CCR10: variants seen among roughly 807,000 people sequenced by gnomAD.
The protein encoded by CCR10 is C-C motif chemokine receptor 10, also known as C-C chemokine receptor type 10.
Under a neutral mutation model 11.9 loss-of-function variants are expected in CCR10, and 11 were observed. The ratio of observed to expected loss-of-function variants is 0.92; its 90% CI spans 0.58 to 1.53. The LOEUF (loss-of-function observed/expected upper bound fraction) is 1.53. Among genes scored for constraint, CCR10 ranks in the 40% most tolerant of loss-of-function variants. The pLI, the probability that CCR10 is intolerant of heterozygous loss-of-function variation, is 0.00. For synonymous variants in CCR10, 224 were observed against 245.4 expected, an observed-to-expected ratio of 0.91 and a Z score of 0.81; for missense variants, 428 against 496.6, an observed-to-expected ratio of 0.86 and a Z score of 1.31.
At position 42,679,259 on chromosome 17, in the gene CCR10, C is replaced by A; in HGVS notation, c.*294G>T. 1 of 313,036 alleles carries A rather than the reference C, an allele frequency of 3.2e-6. No individual in the cohort carries two copies. Among genetic ancestry groups the A allele is most frequent in the Non-Finnish European group, 5.8e-6 (1 of 172,024 alleles). 19.4% of individuals were successfully genotyped at this position (313,036 alleles called of 1,614,324 possible). Reference sequence around the variant, plus strand: ...CTTTAGCAGACTCAGCAGCCCCCCACCCCCACCCAGGCCCTCAGCGTCTTC... The same window carrying A: ...CTTTAGCAGACTCAGCAGCCCCCCAACCCCACCCAGGCCCTCAGCGTCTTC... On this transcript the variant is annotated 3_prime_UTR_variant, in exon 2 of 2. Coordinates refer to ENST00000332438, the MANE Select transcript of CCR10 (RefSeq NM_016602.3).
chr17:42,681,760 T>G, intron 1 of CCR10, 40 bp downstream of exon 1: 2 of 1,428,560 alleles, frequency 1.4e-6, no homozygotes, highest in Non-Finnish European at 2.0e-6. Flanking sequence ...GTCTCCTCCC[T>G]CTCTGTAACC....
Position 42,679,669 on chromosome 17 carries a change from G to A in CCR10, c.973C>T (p.Leu325=). 2 of 1,512,870 alleles carry A rather than the reference G, an allele frequency of 1.3e-6. No individual in the cohort carries two copies. 93.7% of individuals were successfully genotyped at this position (1,512,870 alleles called of 1,614,324 possible). The change falls in exon 2 of 2, where the codon CTA becomes TTA. Residue 325 remains leucine, a synonymous_variant. Coordinates refer to ENST00000332438, the MANE Select transcript of CCR10 (RefSeq NM_016602.3). Reference sequence around the variant, plus strand: ...CCTGAGGGGCAGCTCCCACCCCGTAGCAGCCTCCGCAGGTCCTGGCGGAAG... The same window carrying A: ...CCTGAGGGGCAGCTCCCACCCCGTAACAGCCTCCGCAGGTCCTGGCGGAAG... The part of the protein sequence containing the change: ...LRFRQDLRRL[L]RGGSCPSGPQ...
chr17:42,680,344 C>T lies in CCR10; in HGVS notation c.298G>A (p.Ala100Thr). The T allele has an allele frequency of 1.9e-6, 3 of 1,552,882 alleles. No homozygotes were observed. The African/African-American group carries it at 4.1e-5, about 21-fold the overall frequency. ...LLALTLPFAA[A>T]GALQGWSLGS... ...AGACTCCAGCCCTGAAGAGCCCCTG[C>T]TGCCGCGAAGGGCAGAGTCAGGGCC... Residue 100 changes from alanine (A) to threonine (T), a missense_variant, in exon 2 of 2, where the codon GCA becomes ACA. By Grantham distance (58) the Ala-to-Thr change is moderately conservative (BLOSUM62 0). Coordinates refer to ENST00000332438, the MANE Select transcript of CCR10 (RefSeq NM_016602.3).
intron 1 of CCR10, chr17:42,681,435 T>C: frequency 5.9e-6 from 2 of 338,634 alleles, no homozygotes; most frequent in South Asian, 6.8e-5. Flanking sequence ...AACCTCCGTC[T>C]GGAGTGGGTT....
chr17:42,680,078 T>C lies in CCR10; in HGVS notation c.564A>G (p.Gln188=). 6.2e-7 allele frequency: 1 copy of C among 1,608,098 alleles called. No individual in the cohort carries two copies. The highest frequency in any genetic ancestry group is 8.5e-7 in the Non-Finnish European group (1 of 1,178,910). Residue 188 remains glutamine, a synonymous_variant, in exon 2 of 2, where the codon CAA becomes CAG. Transcript: ENST00000332438. ...CGGGGAAGATGAGGCGACAGCGTCGTTGGCCTTCCCGCTGCCCATCCTGGC... is the reference window on the plus strand; with the variant it reads ...CGGGGAAGATGAGGCGACAGCGTCGCTGGCCTTCCCGCTGCCCATCCTGGC... ...LFSQDGQREG[Q]RRCRLIFPEG...
At position 42,680,429 on chromosome 17, in the gene CCR10, G is replaced by A; in HGVS notation, c.213C>T (p.Arg71=). The part of the protein sequence containing the change: ...LVLATHLAAR[R]AARSPTSAHL... ...GGGCAGAGGTGGGCGAGCGCGCTGC[G>A]CGTCGGGCTGCCAGGTGGGTGGCCA... is the stretch of plus-strand genomic sequence containing the variant. The change falls in exon 2 of 2, where the codon CGC becomes CGT. Residue 71 remains arginine, a synonymous_variant. Transcript: ENST00000332438. The A allele has an allele frequency of 6.3e-7, 1 of 1,579,346 alleles. No homozygotes were observed. The highest frequency in any genetic ancestry group is 8.6e-7 in the Non-Finnish European group (1 of 1,162,790).
At position 42,680,618 on chromosome 17, in the gene CCR10, C is replaced by T; in HGVS notation, c.25-1G>A. On this transcript the variant is annotated splice_acceptor_variant, in intron 1 of 1. Coordinates refer to ENST00000332438, the MANE Select transcript of CCR10 (RefSeq NM_016602.3). LOFTEE classifies it high-confidence loss of function. Reference sequence around the variant, plus strand: ...CCCCAGAGTAATGGCCCCAGGAAACCTGGGAGGGTCAAATGAGAGGCGGGA... The same window carrying T: ...CCCCAGAGTAATGGCCCCAGGAAACTTGGGAGGGTCAAATGAGAGGCGGGA... 1 of 1,540,756 alleles carries T rather than the reference C, an allele frequency of 6.5e-7. No individual in the cohort carries two copies. Among genetic ancestry groups the T allele is most frequent in the Non-Finnish European group, 8.8e-7 (1 of 1,140,402 alleles).
rs533628082 is a variant in CCR10 at position 42,680,114 on chromosome 17, C to T, written c.528G>A (p.Ala176=). 2.1e-5 allele frequency: 34 copies of T among 1,611,832 alleles called. 1 individual carries two copies. Among genetic ancestry groups the T allele is most frequent in the South Asian group, 2.0e-4 (18 of 91,004 alleles). The change falls in exon 2 of 2, where the codon GCG becomes GCA. Residue 176 remains alanine, a synonymous_variant. Coordinates refer to ENST00000332438, the MANE Select transcript of CCR10 (RefSeq NM_016602.3). The stretch of plus-strand genomic sequence containing the variant: ...GCTGCCCATCCTGGCTGAAGAGCAG[C>T]GCAGGCAGCGCCAGGAGCAGTGACA... ...WLLSLLLALP[A]LLFSQDGQRE...
In CCR10 at chr17:42,681,818, C is replaced by T. The variant is rs747193399; in HGVS notation, c.6G>A (p.Gly2=). The change falls in exon 1 of 2, where the codon GGG becomes GGA. Residue 2 remains glycine (G), a synonymous_variant. Transcript: ENST00000332438. ...CTCCCACCTGCTCTGTGGCCTCCGT[C>T]CCCATCTCTGGCTACACAGGTTTCT... M[G]TEATEQVSWG... is the part of the protein sequence containing the mutation. 19 of 1,613,034 alleles carry T rather than the reference C, an allele frequency of 1.2e-5. No individual in the cohort carries two copies. In the African/African-American group the frequency reaches 2.1e-4, roughly 18 times the overall value.
Position 42,680,504 on chromosome 17 carries a change from A to C in CCR10, c.138T>G (p.Ser46Arg). The change falls in exon 2 of 2, where the codon AGT becomes AGG. Residue 46 changes from serine (S) to arginine (R), a missense_variant. By Grantham distance (110) the Ser-to-Arg change is moderately radical. Transcript: ENST00000332438. ...VQAFSRAFQPSVSLTVAALGL... is the reference protein window; with the variant it reads ...VQAFSRAFQPRVSLTVAALGL... ...CCAGCGCAGCCACGGTCAGGGAGACACTGGGTTGGAAGGCCCGGCTGAAGG... is the reference window on the plus strand; with the variant it reads ...CCAGCGCAGCCACGGTCAGGGAGACCCTGGGTTGGAAGGCCCGGCTGAAGG... 6.2e-7 allele frequency: 1 copy of C among 1,612,328 alleles called. No homozygotes were observed. Among genetic ancestry groups the C allele is most frequent in the Non-Finnish European group, 8.5e-7 (1 of 1,179,622 alleles).
chr17:42,678,921 A>G lies in CCR10; in HGVS notation c.*632T>C, dbSNP rs1226710138. On this transcript the variant is annotated 3_prime_UTR_variant, in exon 2 of 2. Coordinates refer to ENST00000332438, the MANE Select transcript of CCR10 (RefSeq NM_016602.3). ...ATTCATTTTTTCATTTTTTCTTTCCATCACAGACACTAGGAAGGGATTGTA... is the reference window on the plus strand; with the variant it reads ...ATTCATTTTTTCATTTTTTCTTTCCGTCACAGACACTAGGAAGGGATTGTA... 1.3e-5 allele frequency: 2 copies of G among 152,090 alleles called. No homozygotes were observed. Among genetic ancestry groups the G allele is most frequent in the Non-Finnish European group, 2.9e-5 (2 of 68,038 alleles). 9.4% of individuals were successfully genotyped at this position (152,090 alleles called of 1,614,324 possible). A position where few individuals can be genotyped will look rare whatever the true frequency, so the allele number is the denominator to read the frequency against.
intron 1 of CCR10, among the ~76,000 whole-genome samples, chr17:42,681,172 C>T (rs943345950): frequency 5.9e-5 from 9 of 152,202 alleles, no homozygotes; most frequent in Admixed American, 3.3e-4. Context: ...CCCACCACCA[C>T]GCCCAGCTAA....
In CCR10 at chr17:42,680,581, C is replaced by T. The variant is rs1197050454; in HGVS notation, c.61G>A (p.Ala21Thr). 3 of 1,588,894 alleles carry T rather than the reference C, an allele frequency of 1.9e-6. No individual in the cohort carries two copies. The highest frequency in any genetic ancestry group is 1.8e-5 in the Admixed American group (1 of 56,654). The change falls in exon 2 of 2, where the codon GCA (alanine) becomes ACA (threonine). Residue 21 changes from alanine to threonine, a missense_variant. Transcript: ENST00000332438. ...WGHYSGDEED[A>T]YSAEPLPELC... ...TCCGGCAGTGGCTCAGCCGAGTATG[C>T]GTCCTCTTCATCCCCAGAGTAATGG...
chr17:42,679,129 CA>C lies in CCR10; in HGVS notation c.*423del, dbSNP rs1176815706. The C allele has an allele frequency of 6.1e-6, 1 of 163,144 alleles. No individual in the cohort carries two copies. The highest frequency in any genetic ancestry group is 1.7e-4 in the East Asian group (1 of 5,732). The allele number at this position is 163,144 out of a possible 1,614,324, so 10.1% of individuals were successfully genotyped here. The stretch of plus-strand genomic sequence containing the variant: ...CTGGTTGTTAGAAAGCTCTTCCTTA[CA>C]GTATTGCAAGAGGAACCACCGCCCC... On this transcript the variant is annotated 3_prime_UTR_variant, in exon 2 of 2. Coordinates refer to ENST00000332438, the MANE Select transcript of CCR10 (RefSeq NM_016602.3).
rs2052896376 is a variant in CCR10, at chr17:42,678,922, TCA to T, written c.*629_*630del. 6.6e-6 allele frequency: 1 copy of T among 152,168 alleles called. No individual in the cohort carries two copies. Among genetic ancestry groups the T allele is most frequent in the Non-Finnish European group, 1.5e-5 (1 of 68,050 alleles). 9.4% of individuals were successfully genotyped at this position (152,168 alleles called of 1,614,324 possible). ...TTCATTTTTTCATTTTTTCTTTCCA[TCA>T]CAGACACTAGGAAGGGATTGTAAAG... On this transcript the variant is annotated 3_prime_UTR_variant, in exon 2 of 2. Transcript: ENST00000332438.
chr17:42,681,588 C>T (rs2052933349), intron 1 of CCR10: 5 of 627,314 alleles, frequency 8.0e-6, no homozygotes, highest in Non-Finnish European at 1.5e-5. Flanking sequence ...CTAGGTTCAA[C>T]CCGCCTTTCC....
At position 42,679,555 on chromosome 17, in the gene CCR10, A is replaced by C; in HGVS notation, c.1087T>G (p.Ter363GluextTer29). Residue 363 changes from the stop codon to glutamate, a stop_lost, in exon 2 of 2, where the codon TAG (stop) becomes GAG (glutamate). Transcript: ENST00000332438. ...TETHSLSWDN[*>E] ...CCCCCTCCTCTAGATTCGCAGCCCT[A>C]GTTGTCCCAGGAGAGACTGTGGGTC... 2 of 1,451,250 alleles carry C rather than the reference A, an allele frequency of 1.4e-6. No homozygotes were observed. Among genetic ancestry groups the C allele is most frequent in the Non-Finnish European group, 1.8e-6 (2 of 1,103,328 alleles). The allele number at this position is 1,451,250 out of a possible 1,614,324, so 89.9% of individuals were successfully genotyped here. A position where few individuals can be genotyped will look rare whatever the true frequency, so the allele number is the denominator to read the frequency against.
At position 42,680,175 on chromosome 17, in the gene CCR10, CCGG is replaced by C; in HGVS notation, c.464_466del (p.Pro155_Gly156delinsArg). 1 of 1,611,630 alleles carries C rather than the reference CCGG, an allele frequency of 6.2e-7. No individual in the cohort carries two copies. Among genetic ancestry groups the C allele is most frequent in the Non-Finnish European group, 8.5e-7 (1 of 1,179,432 alleles). ...GATGACGGAGACCAAGTGTGCGCGG[CCGG>C]GAGTGGAGGGCCGCGGCCCGGCTGG... On this transcript the variant is annotated inframe_deletion, in exon 2 of 2. Transcript: ENST00000332438.
rs2052936169 is a variant in CCR10 at position 42,681,834 on chromosome 17, A to G, written c.-11T>C. On this transcript the variant is annotated 5_prime_UTR_variant, in exon 1 of 2. Coordinates refer to ENST00000332438, the MANE Select transcript of CCR10 (RefSeq NM_016602.3). Reference sequence around the variant, plus strand: ...GGCCTCCGTCCCCATCTCTGGCTACACAGGTTTCTGAGGTATAGCCACAGG... The same window carrying G: ...GGCCTCCGTCCCCATCTCTGGCTACGCAGGTTTCTGAGGTATAGCCACAGG... 6.2e-7 allele frequency: 1 copy of G among 1,613,508 alleles called. No homozygotes were observed. Among genetic ancestry groups the G allele is most frequent in the African/African-American group, 1.3e-5 (1 of 74,880 alleles).
Sources: allele counts gnomAD v4.1 joint callset (sites outside exome capture counted in the v4.1 genomes callset), GRCh38; gene constraint gnomAD v4.1.1; transcripts MANE v1.5; gene names NCBI Gene and HGNC (gene_info 2026-07-23, HGNC 2026-07-21).